The following CCPG1 variants were observed in gnomAD, a reference collection of about 807,000 sequenced individuals.
CCPG1 encodes cell cycle progression protein 1.
CCPG1 carries 46 observed loss-of-function variants against 81.3 expected under a neutral mutation model. The ratio of observed to expected loss-of-function variants is 0.57; its 90% CI spans 0.45 to 0.72. The LOEUF (loss-of-function observed/expected upper bound fraction) is 0.72. CCPG1 is among the 30% of genes least tolerant of loss of function. The pLI is 0.00. For missense variants in CCPG1, 902 were observed against 937.6 expected (o/e 0.96, Z 0.50); for synonymous variants, 330 against 305.2 (o/e 1.08, Z -0.85).
At chr15:55,369,484 G>A (rs575607944) in intron 6 of CCPG1, among the ~76,000 whole-genome samples, 21 of 150,610 alleles carry the variant, frequency 1.4e-4, no homozygotes, top group African/African-American at 4.4e-4. Flanking sequence ...GCGGTGAGCC[G>A]AGATCACGCA....
In CCPG1 at chr15:55,359,632, T is replaced by C; in HGVS notation, c.2141A>G (p.Tyr714Cys). The stretch of plus-strand genomic sequence containing the variant: ...AAATACTCCATCATTATCTACTTCA[T>C]ATTCCTTCATGTTTCTAAGATAATC... ...VKDYLRNMKE[Y>C]EVDNDGVFEK... is the part of the protein sequence containing the mutation. The change falls in exon 8 of 9, where the codon TAT (tyrosine) becomes TGT (cysteine). Residue 714 changes from tyrosine to cysteine, a missense_variant. This residue lies in a region of CCPG1 where 128 missense variants were observed against 161.2 expected (regional missense o/e 0.79). Coordinates refer to ENST00000442196, the MANE Select transcript of CCPG1 (RefSeq NM_001204450.2). The C allele has an allele frequency of 6.2e-7, 1 of 1,613,330 alleles. No homozygotes were observed. The highest frequency in any genetic ancestry group is 8.5e-7 in the Non-Finnish European group (1 of 1,179,700).
rs1178347329 is a variant in CCPG1 at position 55,377,157 on chromosome 15, A to C, written c.253-7T>G. On this transcript the variant is annotated splice_polypyrimidine_tract_variant and splice_region_variant and intron_variant, in intron 4 of 8. Coordinates refer to ENST00000442196, the MANE Select transcript of CCPG1 (RefSeq NM_001204450.2). ...GTATCTTTTGTTCCTCTGCCTGAAG[A>C]ATCATAATTTTAGAGATGGTAAGTT... is the stretch of plus-strand genomic sequence containing the variant. The C allele has an allele frequency of 2.5e-6, 4 of 1,600,872 alleles. No individual in the cohort carries two copies. The highest frequency in any genetic ancestry group is 1.1e-5 in the South Asian group (1 of 90,390).
At chr15:55,397,228 A>AG (rs2057037670) in intron 1 of CCPG1, among the ~76,000 whole-genome samples, 1 of 92,006 alleles carries the variant, frequency 1.1e-5, no homozygotes. Flanking sequence ...AAAAACAAAC[A>AG]AAAAAAAAAA....
intron 1 of CCPG1, among the ~76,000 whole-genome samples, chr15:55,400,845 T>C (rs147358088): frequency 2.0e-5 from 3 of 152,354 alleles, no homozygotes; most frequent in African/African-American, 7.2e-5. Context: ...TTCACTTTCC[T>C]ATTAGATTGT....
chr15:55,398,856 AG>A (rs1328445055), intron 1 of CCPG1, among the ~76,000 whole-genome samples: 1 of 152,164 alleles, frequency 6.6e-6, no homozygotes, highest in Admixed American at 6.6e-5. Flanking sequence ...CTGGGATTAC[AG>A]GTGTGAGCCA....
At chr15:55,389,459 C>T (rs758620354) in intron 1 of CCPG1, 26 bp from the exon 2 acceptor site, 1 of 1,497,158 alleles carries the variant, frequency 6.7e-7, no homozygotes, top group African/African-American at 1.4e-5. Flanking sequence ...CATATTGACT[C>T]ATGAGACACA....
intron 1 of CCPG1, among the ~76,000 whole-genome samples, chr15:55,404,694 G>T (rs1376067871): frequency 6.6e-6 from 1 of 152,188 alleles, no homozygotes; most frequent in Non-Finnish European, 1.5e-5. Flanking sequence ...CACTCTGGGA[G>T]GCTAAGGCAG....
At chr15:55,374,370 C>G (rs978801225) in intron 5 of CCPG1, 1 of 493,518 alleles carries the variant, frequency 2.0e-6, no homozygotes, top group African/African-American at 2.0e-5. Flanking sequence ...AAAATTAAAA[C>G]GTAATAACCA....
At chr15:55,383,398 G>A (rs886749694) in intron 3 of CCPG1, among the ~76,000 whole-genome samples, 3 of 152,174 alleles carry the variant, frequency 2.0e-5, no homozygotes, top group Non-Finnish European at 4.4e-5. Context: ...TTTTTTAAGG[G>A]TCCTAGGATT....
At chr15:55,405,501 G>C (rs1177031619) in intron 1 of CCPG1, among the ~76,000 whole-genome samples, 1 of 152,138 alleles carries the variant, frequency 6.6e-6, no homozygotes, top group East Asian at 1.9e-4. Flanking sequence ...AGGTTGCAGT[G>C]AGCCGAGACT....
At chr15:55,365,698 C>A (rs927092766) in intron 6 of CCPG1, among the ~76,000 whole-genome samples, 1 of 151,598 alleles carries the variant, frequency 6.6e-6, no homozygotes, top group Non-Finnish European at 1.5e-5. Flanking sequence ...CATGTGTGAG[C>A]CACTGTGCCT....
intron 1 of CCPG1, among the ~76,000 whole-genome samples, chr15:55,398,752 T>G (rs555606392): frequency 4.6e-5 from 7 of 152,150 alleles, no homozygotes; most frequent in Admixed American, 2.0e-4. Context: ...GAGCTAATTT[T>G]TGTATTTTTA....
At chr15:55,400,186 G>A (rs2057100575) in intron 1 of CCPG1, among the ~76,000 whole-genome samples, 1 of 116,432 alleles carries the variant, frequency 8.6e-6, no homozygotes, top group South Asian at 3.0e-4. Flanking sequence ...CTCCAGCCTG[G>A]ACAAGATACT....
intron 8 of CCPG1, chr15:55,359,134 T>C (rs1350303828): frequency 2.0e-6 from 2 of 982,484 alleles, no homozygotes; most frequent in Non-Finnish European, 2.4e-6. Context: ...CTCTTCTGAC[T>C]TCAGAGTAAA....
At chr15:55,397,977 A>C (rs2057054118) in intron 1 of CCPG1, among the ~76,000 whole-genome samples, 1 of 9,952 alleles carries the variant, frequency 1.0e-4, no homozygotes, top group African/African-American at 1.8e-4. Flanking sequence ...ACTCCATCTC[A>C]AGAAAAAAAA....
chr15:55,372,980 A>T (rs1358908717), intron 5 of CCPG1: 1 of 534,778 alleles, frequency 1.9e-6, no homozygotes, highest in South Asian at 1.4e-5. Flanking sequence ...CTAGAAGGTT[A>T]TTAATTTTAC....
intron 2 of CCPG1, among the ~76,000 whole-genome samples, chr15:55,387,096 A>G (rs1247863244): frequency 6.6e-6 from 1 of 152,200 alleles, no homozygotes; most frequent in East Asian, 1.9e-4. Flanking sequence ...GACACATGTA[A>G]GAGAAATTAG....
chr15:55,393,334 G>T (rs2056959278), intron 1 of CCPG1, among the ~76,000 whole-genome samples: 1 of 151,856 alleles, frequency 6.6e-6, no homozygotes, highest in African/African-American at 2.4e-5. Flanking sequence ...TAGCTACTTG[G>T]GAAGCCGAGG....
rs753513647 is a variant in CCPG1, at chr15:55,360,433, A to C, written c.1340T>G (p.Leu447Trp). The change falls in exon 8 of 9, where the codon TTG (leucine) becomes TGG (tryptophan). Residue 447 changes from leucine (L) to tryptophan (W), a missense_variant. Physicochemically the swap from Leu to Trp is moderately conservative, Grantham distance 61 (BLOSUM62 -2). This residue lies in a region of CCPG1 where 746 missense variants were observed against 728.6 expected (regional missense o/e 1.02). Coordinates refer to ENST00000442196, the MANE Select transcript of CCPG1 (RefSeq NM_001204450.2). ...KLTFEQQRSD[L>W]WERLYVEAKD... is the part of the protein sequence containing the mutation. Reference sequence around the variant, plus strand: ...TGCCTCAACATACAATCTTTCCCACAAATCAGAACGCTGCTGTTCGAAGGT... The same window carrying C: ...TGCCTCAACATACAATCTTTCCCACCAATCAGAACGCTGCTGTTCGAAGGT... 1.2e-6 allele frequency: 2 copies of C among 1,613,966 alleles called. No homozygotes were observed. Among genetic ancestry groups the C allele is most frequent in the Non-Finnish European group, 1.7e-6 (2 of 1,180,022 alleles).
Sources: allele counts gnomAD v4.1 joint callset (sites outside exome capture counted in the v4.1 genomes callset), GRCh38; gene constraint gnomAD v4.1.1; regional missense constraint gnomAD v4.1.1; transcripts MANE v1.5; gene names NCBI Gene and HGNC (gene_info 2026-07-23, HGNC 2026-07-21).